KIT: variants seen among roughly 807,000 people sequenced by gnomAD.
KIT encodes KIT proto-oncogene, receptor tyrosine kinase, also known as mast/stem cell growth factor receptor Kit.
KIT carries 16 observed loss-of-function variants against 105.7 expected under a neutral mutation model. The ratio of observed to expected loss-of-function variants is 0.15; its 90% CI spans 0.10 to 0.23. The LOEUF (loss-of-function observed/expected upper bound fraction) is 0.23, where lower values mean the gene tolerates loss of function less well. Among genes scored for constraint, KIT ranks in the 10% least tolerant of loss-of-function variants. The pLI is 1.00. For synonymous variants in KIT, 438 were observed against 441.1 expected (o/e 0.99, Z 0.09); for missense variants, 858 against 1,213.8 (o/e 0.71, Z 4.36).
chr4:54,726,673 G>T (rs956182414), intron 9 of KIT, among the ~76,000 whole-genome samples: 1 of 151,996 alleles, frequency 6.6e-6, no homozygotes, highest in Non-Finnish European at 1.5e-5. Flanking sequence ...TTTTTGAGTC[G>T]GCAAAGACTA....
intron 1 of KIT, among the ~76,000 whole-genome samples, chr4:54,691,500 G>A (rs888994697): frequency 7.9e-5 from 12 of 152,140 alleles, no homozygotes; most frequent in African/African-American, 2.9e-4. Context: ...CAGAAGGGAT[G>A]ATGGGCATGA....
chr4:54,711,719 C>T (rs1721173437), intron 7 of KIT, among the ~76,000 whole-genome samples: 1 of 63,030 alleles, frequency 1.6e-5, no homozygotes, highest in African/African-American at 3.5e-5. Context: ...GTTGGGAGTT[C>T]GAGACCAGCC....
chr4:54,694,989 A>G (rs1417106573), intron 1 of KIT, among the ~76,000 whole-genome samples: 2 of 152,218 alleles, frequency 1.3e-5, no homozygotes, highest in East Asian at 3.9e-4. Flanking sequence ...ATTTGTGAAT[A>G]GTTCTCCTTT....
At chr4:54,737,555 G>A (rs1391199692) in intron 20 of KIT, among the ~76,000 whole-genome samples, 6 of 152,168 alleles carry the variant, frequency 3.9e-5, no homozygotes, top group African/African-American at 1.2e-4. Context: ...GATTTGCCAT[G>A]TTTCCTCCCT....
chr4:54,698,253 C>A, intron 2 of KIT, 31 bp from the exon 3 acceptor site: 1 of 1,604,732 alleles, frequency 6.2e-7, no homozygotes, highest in Non-Finnish European at 8.5e-7. Context: ...ACCAGCCATT[C>A]CAACTACTGA....
At chr4:54,723,952 C>T (rs922511146) in intron 8 of KIT, among the ~76,000 whole-genome samples, 1 of 152,060 alleles carries the variant, frequency 6.6e-6, no homozygotes, top group Non-Finnish European at 1.5e-5. Flanking sequence ...CATGCAATTT[C>T]TAGCCTGCAG....
At chr4:54,719,644 A>G (rs1214048130) in intron 7 of KIT, among the ~76,000 whole-genome samples, 1 of 152,102 alleles carries the variant, frequency 6.6e-6, no homozygotes, top group Admixed American at 6.5e-5. Flanking sequence ...ACTTGGGAGG[A>G]ATTAGAGAAT....
chr4:54,680,912 G>A (rs1718861014), intron 1 of KIT, among the ~76,000 whole-genome samples: 1 of 152,138 alleles, frequency 6.6e-6, no homozygotes, highest in African/African-American at 2.4e-5. Flanking sequence ...CAAGAATCTG[G>A]TGATGCCCAT....
Position 54,698,279 on chromosome 4 carries a change from T to C in KIT, c.338-5T>C. The C allele has an allele frequency of 6.2e-7, 1 of 1,613,362 alleles. No individual in the cohort carries two copies. Among genetic ancestry groups the C allele is most frequent in the East Asian group, 2.2e-5 (1 of 44,872 alleles). Reference sequence around the variant, plus strand: ...CAACTACTGATTTTGGATATGCTTCTATAGATCCTGCCAAGCTTTTCCTTG... The same window carrying C: ...CAACTACTGATTTTGGATATGCTTCCATAGATCCTGCCAAGCTTTTCCTTG... On this transcript the variant is annotated splice_polypyrimidine_tract_variant and splice_region_variant and intron_variant, in intron 2 of 20. Coordinates refer to ENST00000288135, the MANE Select transcript of KIT (RefSeq NM_000222.3).
In KIT at chr4:54,709,418, T is replaced by C; in HGVS notation, c.1116-6T>C. The stretch of plus-strand genomic sequence containing the variant: ...AGGTGATTGACTAGTTGTCTTTTCT[T>C]TGTAGATACGTAAGTGAACTTCATC... On this transcript the variant is annotated splice_region_variant and splice_polypyrimidine_tract_variant and intron_variant, in intron 6 of 20. Transcript: ENST00000288135. 6.3e-7 allele frequency: 1 copy of C among 1,575,882 alleles called. No individual in the cohort carries two copies. The highest frequency in any genetic ancestry group is 8.7e-7 in the Non-Finnish European group (1 of 1,145,180).
intron 7 of KIT, among the ~76,000 whole-genome samples, chr4:54,718,424 A>T (rs1236978971): frequency 1.3e-5 from 2 of 152,184 alleles, no homozygotes; most frequent in Non-Finnish European, 2.9e-5. Context: ...ACGTTATTGA[A>T]TTTATTTCTG....
At chr4:54,693,148 T>C (rs2703461) in intron 1 of KIT, among the ~76,000 whole-genome samples, 97,187 of 152,114 alleles carry the variant, frequency 0.64, 32,986 homozygotes, top group African/African-American at 0.89. Context: ...CATTTGCAGC[T>C]TGTAGCCCTG....
chr4:54,722,889 TTA>T (rs34365827), intron 7 of KIT, among the ~76,000 whole-genome samples: 23,793 of 146,120 alleles, frequency 0.16, 2,945 homozygotes, highest in African/African-American at 0.35. Flanking sequence ...ATATATGTAT[TTA>T]TATATATATA....
intron 7 of KIT, among the ~76,000 whole-genome samples, chr4:54,717,703 G>A (rs150101854): frequency 6.6e-6 from 1 of 152,216 alleles, no homozygotes; most frequent in Non-Finnish European, 1.5e-5. Flanking sequence ...CTGTAATGTA[G>A]TGAAATTTAA....
rs1412312710 is a variant in KIT, at chr4:54,725,844, T to C, written c.1347-13T>C. 1 of 1,613,394 alleles carries C rather than the reference T, an allele frequency of 6.2e-7. No individual in the cohort carries two copies. The highest frequency in any genetic ancestry group is 1.7e-5 in the Admixed American group (1 of 59,998). On this transcript the variant is annotated splice_polypyrimidine_tract_variant and intron_variant, in intron 8 of 20. Coordinates refer to ENST00000288135, the MANE Select transcript of KIT (RefSeq NM_000222.3). ...CCTAGAGTAAGCCAGGGCTTTTGTT[T>C]TCTTCCCTTTAGATGCTCTGCTTCT...
chr4:54,699,155 T>G (rs1471798063), intron 3 of KIT, among the ~76,000 whole-genome samples: 1 of 152,224 alleles, frequency 6.6e-6, no homozygotes. Context: ...ACAGTTTTTA[T>G]TAAGGCTTTT....
chr4:54,667,317 CATTTT>C (rs1175846442), intron 1 of KIT, among the ~76,000 whole-genome samples: 1 of 152,134 alleles, frequency 6.6e-6, no homozygotes, highest in East Asian at 1.9e-4. Flanking sequence ...TGCTTGATAA[CATTTT>C]ATTAATACCT....
intron 7 of KIT, among the ~76,000 whole-genome samples, chr4:54,712,979 AGTAG>A (rs2109727614): frequency 1.3e-5 from 2 of 152,298 alleles, no homozygotes; most frequent in African/African-American, 4.8e-5. Flanking sequence ...GGACAGAGGT[AGTAG>A]CATTTATGTT....
chr4:54,696,607 T>C (rs926027274), intron 2 of KIT, among the ~76,000 whole-genome samples: 3 of 152,196 alleles, frequency 2.0e-5, no homozygotes, highest in Non-Finnish European at 2.9e-5. Flanking sequence ...TTATTCTAGA[T>C]TGGAGATCTT....
Sources: allele counts gnomAD v4.1 joint callset (sites outside exome capture counted in the v4.1 genomes callset), GRCh38; gene constraint gnomAD v4.1.1; transcripts MANE v1.5; gene names NCBI Gene and HGNC (gene_info 2026-07-23, HGNC 2026-07-21).